The following GSTM2 variants were observed in gnomAD, a reference collection of about 807,000 sequenced individuals.
GSTM2 encodes GST class-mu 2.
In GSTM2, 33 loss-of-function variants were observed where a neutral mutation model predicts 33.3. That is an observed-to-expected ratio of 0.99 (90% CI 0.75 to 1.33). GSTM2 has a LOEUF of 1.33. Ranked by LOEUF, GSTM2 falls within the 40% of genes most tolerant of loss-of-function variation. GSTM2 has a pLI of 0.00. For missense variants in GSTM2, 213 were observed against 265.8 expected, an observed-to-expected ratio of 0.80 and a Z score of 1.38; for synonymous variants, 93 against 95.6, an observed-to-expected ratio of 0.97 and a Z score of 0.16.
chr1:109,674,587 G>A (rs1408443201), intron 7 of GSTM2, among the ~76,000 whole-genome samples, 160 bp from the exon 8 acceptor site: 4 of 152,194 alleles, frequency 2.6e-5, no homozygotes, highest in African/African-American at 7.2e-5. Context: ...AGTTAACTCC[G>A]CAGATCTGGG....
intron 5 of GSTM2, 116 bp downstream of exon 5, chr1:109,669,687 C>G: frequency 1.5e-6 from 1 of 681,256 alleles, no homozygotes; most frequent in South Asian, 1.8e-5. Flanking sequence ...CTTGCTGACT[C>G]TAAGAATGAA....
In GSTM2 at chr1:109,671,344, C is replaced by T. The variant is rs1484178357; in HGVS notation, c.418C>T (p.Gln140Ter). 6.2e-7 allele frequency: 1 copy of T among 1,614,058 alleles called. No individual in the cohort carries two copies. Among genetic ancestry groups the T allele is most frequent in the Non-Finnish European group, 8.5e-7 (1 of 1,179,886 alleles). Reference protein sequence around the residue: ...ALPEMLKLYSQFLGKQPWFLG... With the variant: ...ALPEMLKLYS The stretch of plus-strand genomic sequence containing the variant: ...CCCTGAAATGCTGAAGCTCTACTCA[C>T]AGTTTCTGGGGAAGCAGCCATGGTT... The change falls in exon 6 of 8, where the codon CAG becomes TAG. Residue 140 changes from glutamine to a stop codon, truncating the protein, a stop_gained. Coordinates refer to ENST00000241337, the MANE Select transcript of GSTM2 (RefSeq NM_000848.4). LOFTEE classifies it high-confidence loss of function.
intron 7 of GSTM2, among the ~76,000 whole-genome samples, chr1:109,674,101 C>A (rs1647638664): frequency 6.6e-6 from 1 of 152,190 alleles, no homozygotes; most frequent in African/African-American, 2.4e-5. Flanking sequence ...TTGTGCACTG[C>A]CACTCCCCAT....
chr1:109,677,889 C>G (rs1570632442), downstream of GSTM2, among the ~76,000 whole-genome samples: 1 of 152,302 alleles, frequency 6.6e-6, no homozygotes, highest in East Asian at 1.9e-4. Flanking sequence ...TTTGCTTTCC[C>G]TCATAAGATA....
chr1:109,674,472 C>G (rs1430564028), intron 7 of GSTM2, among the ~76,000 whole-genome samples: 6 of 152,184 alleles, frequency 3.9e-5, no homozygotes, highest in Non-Finnish European at 7.3e-5. Flanking sequence ...GTTTTCTAAG[C>G]TTACGTTGTA....
chr1:109,669,977 TC>T (rs1430192252), intron 5 of GSTM2: 1 of 166,560 alleles, frequency 6.0e-6, no homozygotes, highest in African/African-American at 2.4e-5. Flanking sequence ...TAAAGGTAGT[TC>T]AAACCCAAAG....
chr1:109,677,525 C>T (rs71663086), downstream of GSTM2, among the ~76,000 whole-genome samples: 3 of 152,092 alleles, frequency 2.0e-5, no homozygotes, highest in Admixed American at 1.3e-4. Flanking sequence ...GCCTCACAGA[C>T]GTATTGAGTA....
At chr1:109,678,945 G>C (rs1488579673), downstream of GSTM2, among the ~76,000 whole-genome samples, 1 of 151,984 alleles carries the variant, frequency 6.6e-6, no homozygotes, top group African/African-American at 2.4e-5. Context: ...ATCATGTTTT[G>C]ACTAATTCTT....
chr1:109,677,516 C>T (rs71663085), downstream of GSTM2, among the ~76,000 whole-genome samples: 1 of 152,228 alleles, frequency 6.6e-6, no homozygotes, highest in South Asian at 2.1e-4. Context: ...CATGGATGGG[C>T]CTCACAGACG....
At chr1:109,673,268 T>C in intron 7 of GSTM2, 7 of 1,610,140 alleles carry the variant, frequency 4.3e-6, no homozygotes, top group Non-Finnish European at 5.9e-6. Flanking sequence ...CTCCTCTGCA[T>C]GAGGCAGGGT....
In GSTM2 at chr1:109,671,083, A is replaced by G. The variant is rs1647523863; in HGVS notation, c.361-204A>G. The stretch of plus-strand genomic sequence containing the variant: ...GTGTCACATTCCGCTCTGCCATCCC[A>G]TCACCTCAGAAAGACTCCAGCTACC... On this transcript the variant is annotated intron_variant, in intron 5 of 7. Coordinates refer to ENST00000241337, the MANE Select transcript of GSTM2 (RefSeq NM_000848.4). 4 of 582,296 alleles carry G rather than the reference A, an allele frequency of 6.9e-6. No homozygotes were observed. The South Asian group carries it at 8.6e-5, about 12-fold the overall frequency. 36.1% of individuals were successfully genotyped at this position (582,296 alleles called of 1,614,324 possible).
chr1:109,678,528 G>A (rs1247249337), downstream of GSTM2, among the ~76,000 whole-genome samples: 1 of 149,226 alleles, frequency 6.7e-6, no homozygotes, highest in Non-Finnish European at 1.5e-5. Context: ...GGCAGATCAC[G>A]AGGTCAGGAG....
intron 4 of GSTM2, 24 bp downstream of exon 4, chr1:109,669,395 G>A (rs768167644): frequency 6.2e-7 from 1 of 1,614,120 alleles, no homozygotes; most frequent in Non-Finnish European, 8.5e-7. Context: ...GTTGCAAGAT[G>A]CGGGGAGGGA....
rs1647454363 is a variant in GSTM2 at position 109,669,520 on chromosome 1, G to C, written c.309G>C (p.Gln103His). ...EQIREDILEN[Q>H]FMDSRMQLAK... The stretch of plus-strand genomic sequence containing the variant: ...TTCGCGAAGACATTTTGGAGAACCA[G>C]TTTATGGACAGCCGTATGCAGCTGG... Residue 103 changes from glutamine to histidine, a missense_variant, in exon 5 of 8, where the codon CAG (glutamine) becomes CAC (histidine). Gln to His is a conservative substitution (Grantham distance 24, BLOSUM62 0). Coordinates refer to ENST00000241337, the MANE Select transcript of GSTM2 (RefSeq NM_000848.4). The C allele has an allele frequency of 6.2e-7, 1 of 1,613,954 alleles. No individual in the cohort carries two copies. Among genetic ancestry groups the C allele is most frequent in the Non-Finnish European group, 8.5e-7 (1 of 1,179,840 alleles).
At chr1:109,674,076 T>C (rs1456160371) in intron 7 of GSTM2, among the ~76,000 whole-genome samples, 1 of 152,228 alleles carries the variant, frequency 6.6e-6, no homozygotes, top group Non-Finnish European at 1.5e-5. Context: ...GAGCCTAGTC[T>C]CGCCTTTGAT....
At chr1:109,679,485 G>T (rs1294144682), downstream of GSTM2, among the ~76,000 whole-genome samples, 2 of 151,870 alleles carry the variant, frequency 1.3e-5, no homozygotes, top group Non-Finnish European at 2.9e-5. Flanking sequence ...CTCAAAAAAA[G>T]AAAAAAAGAA....
rs1647450596 is a variant in GSTM2, at chr1:109,669,464, A to AG, written c.260-4dup. The AG allele has an allele frequency of 6.2e-7, 1 of 1,613,648 alleles. No homozygotes were observed. The highest frequency in any genetic ancestry group is 1.7e-5 in the Admixed American group (1 of 59,996). On this transcript the variant is annotated splice_region_variant and splice_polypyrimidine_tract_variant and intron_variant, in intron 4 of 7. Transcript: ENST00000241337. Reference sequence around the variant, plus strand: ...AGGCTGAGAGTGAATCTGCTTTACGAGGGTAGGCGGGGAATCAGAAAAGGA... The same window carrying AG: ...AGGCTGAGAGTGAATCTGCTTTACGAGGGGTAGGCGGGGAATCAGAAAAGGA...
rs781615105 is a variant in GSTM2, at chr1:109,668,515, G to A, written c.112+15G>A. 4 of 1,613,432 alleles carry A rather than the reference G, an allele frequency of 2.5e-6. No homozygotes were observed. The highest frequency in any genetic ancestry group is 4.5e-5 in the East Asian group (2 of 44,878). On this transcript the variant is annotated intron_variant, in intron 2 of 7. Coordinates refer to ENST00000241337, the MANE Select transcript of GSTM2 (RefSeq NM_000848.4). Reference sequence around the variant, plus strand: ...GATGGGGGACGGTAATGGCACCCTCGAGTCTGGGCCCTGCCCCCTCACACT... The same window carrying A: ...GATGGGGGACGGTAATGGCACCCTCAAGTCTGGGCCCTGCCCCCTCACACT...
chr1:109,680,419 A>T (rs1406953156), intron 7 of GSTM2, among the ~76,000 whole-genome samples: 1 of 150,884 alleles, frequency 6.6e-6, no homozygotes, highest in Non-Finnish European at 1.5e-5. Context: ...GAGATGCCTC[A>T]CAGTAAACTC....
Sources: allele counts gnomAD v4.1 joint callset (sites outside exome capture counted in the v4.1 genomes callset), GRCh38; gene constraint gnomAD v4.1.1; transcripts MANE v1.5; gene names NCBI Gene and HGNC (gene_info 2026-07-23, HGNC 2026-07-21).